CSNK2A1: variants seen among roughly 807,000 people sequenced by gnomAD.
The protein encoded by CSNK2A1 is casein kinase II subunit alpha.
Under a neutral mutation model 62.9 loss-of-function variants are expected in CSNK2A1, and 10 were observed. The ratio of observed to expected loss-of-function variants is 0.16; its 90% CI spans 0.10 to 0.27. The LOEUF (loss-of-function observed/expected upper bound fraction) is 0.27, where lower values mean the gene tolerates loss of function less well. Among genes scored for constraint, CSNK2A1 ranks in the 10% least tolerant of loss-of-function variants. CSNK2A1 has a pLI of 1.00. For synonymous variants in CSNK2A1, 124 were observed against 167.8 expected (o/e 0.74, Z 2.02); for missense variants, 160 against 492.0 (o/e 0.33, Z 6.38).
chr20:509,156 A>G (rs1410031414), intron 2 of CSNK2A1, among the ~76,000 whole-genome samples: 1 of 152,242 alleles, frequency 6.6e-6, no homozygotes, highest in Non-Finnish European at 1.5e-5. Context: ...GTTCTCATAC[A>G]TCAAAGCTCC....
chr20:510,754 T>C (rs887565990), intron 2 of CSNK2A1, among the ~76,000 whole-genome samples: 3 of 152,166 alleles, frequency 2.0e-5, no homozygotes, highest in African/African-American at 4.8e-5. Context: ...TCTCCCTCTG[T>C]AGGCCAGGCT....
intron 2 of CSNK2A1, chr20:510,131 A>T (rs983299325): frequency 3.9e-5 from 6 of 152,170 alleles, no homozygotes; most frequent in Non-Finnish European, 7.3e-5. Flanking sequence ...TAAATTTGTG[A>T]AGTTGGTACA....
intron 9 of CSNK2A1, among the ~76,000 whole-genome samples, chr20:491,566 G>A (rs959149218): frequency 2.6e-5 from 4 of 152,106 alleles, no homozygotes; most frequent in Admixed American, 2.6e-4. Flanking sequence ...AGCTACTCAG[G>A]AGGCTAAGCT....
chr20:489,377 C>A (rs2018167811), intron 10 of CSNK2A1: 2 of 232,612 alleles, frequency 8.6e-6, no homozygotes, highest in Non-Finnish European at 1.6e-5. Flanking sequence ...ATGAAAGAGC[C>A]CTTTGATCTT....
chr20:490,306 C>T (rs970635411), intron 9 of CSNK2A1, among the ~76,000 whole-genome samples: 1 of 146,902 alleles, frequency 6.8e-6, no homozygotes, highest in Non-Finnish European at 1.5e-5. Context: ...GGATTACAGG[C>T]ATGACCCACC....
chr20:487,582 G>T lies in CSNK2A1; in HGVS notation c.825-7C>A, dbSNP rs370478891. On this transcript the variant is annotated splice_polypyrimidine_tract_variant and splice_region_variant and intron_variant, in intron 11 of 13. Coordinates refer to ENST00000217244, the MANE Select transcript of CSNK2A1 (RefSeq NM_177559.3). ...CCATCGCTTTCGAGAGTGTCTGCAG[G>T]ACCAAAAGAGGGCATGAGAAATGGG... 6 of 1,614,140 alleles carry T rather than the reference G, an allele frequency of 3.7e-6. No homozygotes were observed. Among genetic ancestry groups the T allele is most frequent in the Non-Finnish European group, 4.2e-6 (5 of 1,180,026 alleles).
rs1479461939 is a variant in CSNK2A1, at chr20:499,034, T to C, written c.366+221A>G. The C allele has an allele frequency of 1.6e-5, 5 of 317,742 alleles. No homozygotes were observed. The highest frequency in any genetic ancestry group is 2.9e-5 in the Non-Finnish European group (5 of 172,364). The allele number at this position is 317,742 out of a possible 1,614,324, so 19.7% of individuals were successfully genotyped here. A position where few individuals can be genotyped will look rare whatever the true frequency, so the allele number is the denominator to read the frequency against. ...TGTCAACTAAGTAGTGAGAAGTCAA[T>C]GTGTTGGTCATTAAAAAGAACATTA... On this transcript the variant is annotated intron_variant, in intron 6 of 13. Transcript: ENST00000217244. The surrounding 1 kb of genome is among the most constrained non-coding windows in gnomAD (Gnocchi z 4.2).
intron 4 of CSNK2A1, chr20:504,135 C>G (rs554666942): frequency 6.6e-6 from 1 of 152,490 alleles, no homozygotes; most frequent in Non-Finnish European, 1.5e-5. Flanking sequence ...GCCGAGATCG[C>G]GCCACTGCAC....
At chr20:519,090 C>A (rs1568546785) in intron 2 of CSNK2A1, among the ~76,000 whole-genome samples, 1 of 151,960 alleles carries the variant, frequency 6.6e-6, no homozygotes, top group African/African-American at 2.4e-5. Flanking sequence ...TGCATGCCAC[C>A]ATGCCCGGCT....
rs1287546453 is a variant in CSNK2A1 at position 478,454 on chromosome 20, A to AT, written c.*5506dup. 17 of 219,922 alleles carry AT rather than the reference A, an allele frequency of 7.7e-5. No individual in the cohort carries two copies. Among genetic ancestry groups the AT allele is most frequent in the African/African-American group, 3.3e-4 (14 of 41,852 alleles). 13.6% of individuals were successfully genotyped at this position (219,922 alleles called of 1,614,324 possible). A position where few individuals can be genotyped will look rare whatever the true frequency, so the allele number is the denominator to read the frequency against. ...GGAAGCCAGCCCCAGCTGCTGCAGC[A>AT]TTTTTTTCCCTTTTTCTCATTACAG... On this transcript the variant is annotated 3_prime_UTR_variant, in exon 14 of 14. Coordinates refer to ENST00000217244, the MANE Select transcript of CSNK2A1 (RefSeq NM_177559.3).
intron 2 of CSNK2A1, among the ~76,000 whole-genome samples, chr20:514,436 ATTTT>A (rs1418337772): frequency 6.6e-6 from 1 of 151,588 alleles, no homozygotes; most frequent in Non-Finnish European, 1.5e-5. Flanking sequence ...TATCATTATT[ATTTT>A]TTTGAGACAG....
intron 2 of CSNK2A1, chr20:526,802 A>G (rs2019099999): frequency 6.6e-6 from 1 of 151,838 alleles, no homozygotes; most frequent in Non-Finnish European, 1.5e-5. Context: ...AAAAATATAA[A>G]AAATTAGCTG....
chr20:489,825 G>T lies in CSNK2A1; in HGVS notation c.678C>A (p.Ile226=). The T allele has an allele frequency of 1.2e-6, 2 of 1,613,250 alleles. No individual in the cohort carries two copies. Among genetic ancestry groups the T allele is most frequent in the Non-Finnish European group, 1.7e-6 (2 of 1,179,490 alleles). ...WSLGCMLASM[I]FRKEPFFHGH... is the part of the protein sequence containing the mutation. ...CATGGAAAAATGGCTCCTTCCGAAA[G>T]ATCATACTTGCCAGCATACAACCCA... is the stretch of plus-strand genomic sequence containing the variant. Residue 226 remains isoleucine (I), a synonymous_variant, in exon 10 of 14, where the codon ATC becomes ATA. Transcript: ENST00000217244.
At chr20:531,260 T>C (rs1467917715) in intron 1 of CSNK2A1, among the ~76,000 whole-genome samples, 2 of 152,162 alleles carry the variant, frequency 1.3e-5, no homozygotes, top group African/African-American at 4.8e-5. Flanking sequence ...TGACTCTTCA[T>C]TCCTGCACTG....
At chr20:487,213 T>C in intron 12 of CSNK2A1, 1 of 639,278 alleles carries the variant, frequency 1.6e-6, no homozygotes, top group Admixed American at 3.0e-5. Flanking sequence ...GAAAAGAGTT[T>C]ATTTAGGAAT....
At chr20:505,647 C>A (rs940031439) in intron 3 of CSNK2A1, among the ~76,000 whole-genome samples, 2 of 149,990 alleles carry the variant, frequency 1.3e-5, no homozygotes, top group Middle Eastern at 6.8e-3. Context: ...CAGGCGTGAG[C>A]CACCGCGCCT....
In CSNK2A1 at chr20:473,716, CA is replaced by C. The variant is rs1225815948; in HGVS notation, c.*10244del. ...AAAGACTACTGCAGTCTCCATGACCCAGTCCCTCACCAGTGTCCACTTGTGT... is the reference window on the plus strand; with the variant it reads ...AAAGACTACTGCAGTCTCCATGACCCGTCCCTCACCAGTGTCCACTTGTGT... On this transcript the variant is annotated 3_prime_UTR_variant, in exon 14 of 14. Transcript: ENST00000217244. 6.6e-6 allele frequency: 1 copy of C among 152,268 alleles called. No individual in the cohort carries two copies. Among genetic ancestry groups the C allele is most frequent in the Admixed American group, 6.5e-5 (1 of 15,290 alleles). 9.4% of individuals were successfully genotyped at this position (152,268 alleles called of 1,614,324 possible).
intron 10 of CSNK2A1, 153 bp from the exon 11 acceptor site, chr20:488,931 T>C (rs917198515): frequency 3.1e-6 from 2 of 647,840 alleles, no homozygotes; most frequent in Non-Finnish European, 2.5e-6. Context: ...AATGTGATAG[T>C]GTTAGAAAAA....
intron 8 of CSNK2A1, 170 bp downstream of exon 8, chr20:495,549 A>G: frequency 1.8e-6 from 1 of 548,186 alleles, no homozygotes. Flanking sequence ...TTAGGAATAT[A>G]AATAATGGTT....
Sources: allele counts gnomAD v4.1 joint callset (sites outside exome capture counted in the v4.1 genomes callset), GRCh38; gene constraint gnomAD v4.1.1; non-coding constraint Gnocchi (gnomAD v3.1); transcripts MANE v1.5; gene names NCBI Gene and HGNC (gene_info 2026-07-23, HGNC 2026-07-21).